PGS1: variants seen among roughly 807,000 people sequenced by gnomAD.
The protein encoded by PGS1 is phosphatidylglycerophosphate synthase 1, also known as CDP-diacylglycerol--glycerol-3-phosphate 3-phosphatidyltransferase, mitochondrial.
In PGS1, 44 loss-of-function variants were observed where a neutral mutation model predicts 58.3. That is an observed-to-expected ratio of 0.75 (90% CI 0.59 to 0.97). The LOEUF (loss-of-function observed/expected upper bound fraction) is 0.97, where lower values mean the gene tolerates loss of function less well. PGS1 is among the 50% of genes least tolerant of loss of function. The pLI, the probability that PGS1 is intolerant of heterozygous loss-of-function variation, is 0.00. For synonymous variants in PGS1, 330 were observed against 311.0 expected (o/e 1.06, Z -0.64); for missense variants, 684 against 731.1 (o/e 0.94, Z 0.74).
chr17:78,402,378 C>A (rs1264833163), intron 6 of PGS1, among the ~76,000 whole-genome samples: 1 of 150,286 alleles, frequency 6.7e-6, no homozygotes, highest in East Asian at 2.0e-4. Flanking sequence ...GTATCATTTT[C>A]ATTCTAGTAA....
At chr17:78,405,889 A>G (rs2084094777) in intron 7 of PGS1, among the ~76,000 whole-genome samples, 2 of 152,088 alleles carry the variant, frequency 1.3e-5, no homozygotes, top group Admixed American at 1.3e-4. Flanking sequence ...TGGATGGGGA[A>G]TCTAGGCTGT....
chr17:78,422,333 C>G (rs571010145), intron 9 of PGS1, among the ~76,000 whole-genome samples: 1 of 152,108 alleles, frequency 6.6e-6, no homozygotes, highest in South Asian at 2.1e-4. Context: ...CTTTTCCCTC[C>G]GATAGCCCTA....
chr17:78,408,187 C>G (rs2084321280), intron 7 of PGS1, among the ~76,000 whole-genome samples: 1 of 152,210 alleles, frequency 6.6e-6, no homozygotes, highest in South Asian at 2.1e-4. Context: ...GAACACTCAA[C>G]TATTTAAAGG....
chr17:78,386,520 G>A (rs1416547875), intron 1 of PGS1, among the ~76,000 whole-genome samples: 2 of 152,214 alleles, frequency 1.3e-5, no homozygotes, highest in Non-Finnish European at 2.9e-5. Context: ...TGATTCAGGG[G>A]AGCCCAGGTC....
intron 1 of PGS1, among the ~76,000 whole-genome samples, chr17:78,384,961 C>G (rs990087596): frequency 2.0e-5 from 3 of 152,194 alleles, no homozygotes; most frequent in African/African-American, 7.2e-5. Context: ...GAAGCGGGCG[C>G]CCGGTAGGGC....
At chr17:78,396,621 A>G (rs1329824320) in intron 3 of PGS1, among the ~76,000 whole-genome samples, 1 of 152,232 alleles carries the variant, frequency 6.6e-6, no homozygotes, top group African/African-American at 2.4e-5. Context: ...TCTAGGCCTC[A>G]CTGGCAGTGT....
At chr17:78,403,462 A>G (rs773393199) in intron 6 of PGS1, 106 bp from the exon 7 acceptor site, 17 of 1,163,928 alleles carry the variant, frequency 1.5e-5, no homozygotes, top group Non-Finnish European at 2.1e-5. Flanking sequence ...GTGAACATCC[A>G]GTTGTAGCGT....
At position 78,403,753 on chromosome 17, in the gene PGS1, C is replaced by A; in HGVS notation, c.1066C>A (p.Gln356Lys). 1 of 1,614,206 alleles carries A rather than the reference C, an allele frequency of 6.2e-7. No individual in the cohort carries two copies. Among genetic ancestry groups the A allele is most frequent in the Non-Finnish European group, 8.5e-7 (1 of 1,180,040 alleles). ...TGACACCTGGATTTATCCGCTGATT[C>A]AGATGAAGCCCTTCGAGATTCAAAT... ...APDTWIYPLI[Q>K]MKPFEIQIDE... The change falls in exon 7 of 10, where the codon CAG becomes AAG. Residue 356 changes from glutamine to lysine, a missense_variant. Gln to Lys is a moderately conservative substitution (Grantham distance 53, BLOSUM62 1). Transcript: ENST00000262764.
Position 78,403,749 on chromosome 17 carries a change from G to T in PGS1, c.1062G>T (p.Leu354=), listed in dbSNP as rs1428852392. Residue 354 remains leucine (L), a synonymous_variant, in exon 7 of 10, where the codon CTG becomes CTT. Coordinates refer to ENST00000262764, the MANE Select transcript of PGS1 (RefSeq NM_024419.5). ...RPAPDTWIYP[L]IQMKPFEIQI... Reference sequence around the variant, plus strand: ...CCCCTGACACCTGGATTTATCCGCTGATTCAGATGAAGCCCTTCGAGATTC... The same window carrying T: ...CCCCTGACACCTGGATTTATCCGCTTATTCAGATGAAGCCCTTCGAGATTC... The T allele has an allele frequency of 5.6e-6, 9 of 1,614,076 alleles. No individual in the cohort carries two copies. Among genetic ancestry groups the T allele is most frequent in the Non-Finnish European group, 7.6e-6 (9 of 1,180,040 alleles).
chr17:78,386,218 G>C (rs1271178791), intron 1 of PGS1, among the ~76,000 whole-genome samples: 2 of 152,230 alleles, frequency 1.3e-5, no homozygotes, highest in African/African-American at 2.4e-5. Context: ...CACCTTTAGA[G>C]TGGCAGGCTG....
chr17:78,416,385 A>G (rs1365002964), intron 8 of PGS1, among the ~76,000 whole-genome samples: 2 of 152,246 alleles, frequency 1.3e-5, no homozygotes. Flanking sequence ...AGCCGTTCGC[A>G]GAGACTTCCA....
chr17:78,389,053 C>CCT (rs1209636347), intron 1 of PGS1, among the ~76,000 whole-genome samples: 2 of 96,002 alleles, frequency 2.1e-5, no homozygotes, highest in East Asian at 6.0e-4. Flanking sequence ...CCTCTTCTTC[C>CCT]TTTTTTTTTT....
chr17:78,402,099 A>G lies in PGS1; in HGVS notation c.880+1244A>G, dbSNP rs2083720966. Among the ~76,000 whole-genome samples the G allele has an allele frequency of 2.6e-5, 4 of 152,222 alleles. No homozygotes were observed. The South Asian group carries it at 8.3e-4, about 32-fold the overall frequency. The stretch of plus-strand genomic sequence containing the variant: ...CCGGCAGCCCTGTCCAGCATGTGGC[A>G]GTGTGACTCCTTTCTCCCCTGGAGG... On this transcript the variant is annotated intron_variant, in intron 6 of 9. Coordinates refer to ENST00000262764, the MANE Select transcript of PGS1 (RefSeq NM_024419.5).
chr17:78,381,745 T>G (rs1323134040), intron 1 of PGS1, among the ~76,000 whole-genome samples: 1 of 152,214 alleles, frequency 6.6e-6, no homozygotes, highest in Admixed American at 6.5e-5. Context: ...TTCCTTTTAC[T>G]GCCGCGGTTT....
chr17:78,399,960 C>T (rs1022637763), intron 5 of PGS1: 8 of 255,708 alleles, frequency 3.1e-5, no homozygotes, highest in Admixed American at 1.9e-4. Flanking sequence ...GCCCTCCCCT[C>T]GGCAGTGGGG....
rs2146063135 is a variant in PGS1, at chr17:78,384,076, G to A, written c.143+5268G>A. Among the ~76,000 whole-genome samples, 2 of 152,302 alleles carry A rather than the reference G, an allele frequency of 1.3e-5. 1 individual carries two copies. The highest frequency in any genetic ancestry group is 4.1e-4 in the South Asian group (2 of 4,824). ...CACTTTGATGTGCCTGGTGCATTTG[G>A]CCACCCAGGCTGTATTGTGGGTTAT... On this transcript the variant is annotated intron_variant, in intron 1 of 9. Transcript: ENST00000262764.
At chr17:78,418,790 G>C (rs556257802) in intron 8 of PGS1, among the ~76,000 whole-genome samples, 25 of 152,142 alleles carry the variant, frequency 1.6e-4, no homozygotes, top group Non-Finnish European at 2.9e-4. Flanking sequence ...GCGTTCATCA[G>C]TGTGGGGGAT....
chr17:78,398,793 G>C (rs2146196141), intron 4 of PGS1, among the ~76,000 whole-genome samples: 1 of 152,346 alleles, frequency 6.6e-6, no homozygotes, highest in African/African-American at 2.4e-5. Flanking sequence ...TTTCCTTTGG[G>C]CTGGCTTCCT....
At chr17:78,390,903 A>T (rs72911386) in intron 1 of PGS1, among the ~76,000 whole-genome samples, 18,086 of 151,920 alleles carry the variant, frequency 0.12, 1,340 homozygotes, top group East Asian at 0.27. Flanking sequence ...ACCAAACAGG[A>T]TGTGTCTGAT....
Sources: gnomAD v4.1 joint callset for allele counts (sites outside exome capture counted in the v4.1 genomes callset) on GRCh38, gnomAD v4.1.1 for gene constraint, MANE v1.5 for transcripts, NCBI Gene and HGNC (gene_info 2026-07-23, HGNC 2026-07-21) for gene names.